CCDC91: variants seen among roughly 807,000 people sequenced by gnomAD.
The protein encoded by CCDC91 is coiled-coil domain containing 91.
In CCDC91, 48 loss-of-function variants were observed where a neutral mutation model predicts 63.2. The ratio of observed to expected loss-of-function variants is 0.76; its 90% confidence interval spans 0.60 to 0.97. The LOEUF is 0.97. Among genes scored for constraint, CCDC91 ranks in the 50% least tolerant of loss-of-function variants. The probability of loss-of-function intolerance (pLI) is 0.00; values close to 1 mark genes in which losing one functional copy is unlikely to be tolerated. For missense variants in CCDC91, 500 were observed against 494.6 expected, an observed-to-expected ratio of 1.01 and a Z score of -0.10; for synonymous variants, 167 against 165.8, an observed-to-expected ratio of 1.01 and a Z score of -0.06.
intron 1 of CCDC91, among the ~76,000 whole-genome samples, chr12:28,228,706 A>G (rs1592046917): frequency 1.3e-5 from 2 of 152,128 alleles, no homozygotes; most frequent in African/African-American, 4.8e-5. Flanking sequence ...ATTTTCAAGT[A>G]TTTGGGTACC....
At chr12:28,301,173 C>T (rs1938031890) in intron 3 of CCDC91, among the ~76,000 whole-genome samples, 2 of 151,478 alleles carry the variant, frequency 1.3e-5, no homozygotes, top group Admixed American at 6.6e-5. Context: ...CACCTTTAAT[C>T]TTTTCCCATT....
intron 1 of CCDC91, among the ~76,000 whole-genome samples, chr12:28,238,780 G>A (rs1592073937): frequency 6.6e-6 from 1 of 152,096 alleles, no homozygotes; most frequent in African/African-American, 2.4e-5. Flanking sequence ...AACTTGGTGG[G>A]ATTTGCATGG....
chr12:28,509,501 G>A (rs1445065381), intron 12 of CCDC91, among the ~76,000 whole-genome samples: 1 of 151,824 alleles, frequency 6.6e-6, no homozygotes, highest in Non-Finnish European at 1.5e-5. Context: ...CTAGGTAGGA[G>A]TATAATACAC....
At chr12:28,425,446 T>C (rs1377846347) in intron 8 of CCDC91, among the ~76,000 whole-genome samples, 1 of 152,150 alleles carries the variant, frequency 6.6e-6, no homozygotes, top group African/African-American at 2.4e-5. Flanking sequence ...CCAGAGCCTT[T>C]ATTTGGGACT....
chr12:28,242,008 A>AAAAAAAAACGAAAC, intron 1 of CCDC91, among the ~76,000 whole-genome samples: 1 of 151,696 alleles, frequency 6.6e-6, no homozygotes, highest in East Asian at 1.9e-4. Context: ...AAAAAAAAAA[A>AAAAAAAAACGAAAC]AAAAAAAACG....
At chr12:28,428,402 C>G in intron 8 of CCDC91, among the ~76,000 whole-genome samples, 1 of 151,670 alleles carries the variant, frequency 6.6e-6, no homozygotes, top group East Asian at 1.9e-4. Context: ...GAAACACCGT[C>G]TCTACTAAAA....
chr12:28,545,269 C>CA, intron 12 of CCDC91, among the ~76,000 whole-genome samples: 1 of 151,780 alleles, frequency 6.6e-6, no homozygotes, highest in East Asian at 1.9e-4. Flanking sequence ...CCTTAAGGAG[C>CA]AAAAAAGGTG....
chr12:28,345,627 C>CT (rs1050517523), intron 6 of CCDC91, among the ~76,000 whole-genome samples: 3 of 151,930 alleles, frequency 2.0e-5, no homozygotes, highest in South Asian at 2.1e-4. Flanking sequence ...ATTTCTAAAG[C>CT]TTTTTTTAAT....
intron 3 of CCDC91, among the ~76,000 whole-genome samples, chr12:28,277,798 T>G (rs550423502): frequency 6.6e-6 from 1 of 152,154 alleles, no homozygotes; most frequent in South Asian, 2.1e-4. Flanking sequence ...ATAATTTTTA[T>G]GTAGTCATCT....
At chr12:28,355,308 G>A (rs1943450962) in intron 6 of CCDC91, among the ~76,000 whole-genome samples, 1 of 152,180 alleles carries the variant, frequency 6.6e-6, no homozygotes, top group Non-Finnish European at 1.5e-5. Flanking sequence ...AGTGGGAACA[G>A]AGCCAATCCA....
chr12:28,528,892 G>C (rs1313052609), intron 12 of CCDC91, among the ~76,000 whole-genome samples: 1 of 152,108 alleles, frequency 6.6e-6, no homozygotes, highest in Non-Finnish European at 1.5e-5. Flanking sequence ...CTATGTTACT[G>C]TGGAATACTA....
At chr12:28,273,174 CT>C (rs917758516) in intron 3 of CCDC91, among the ~76,000 whole-genome samples, 2 of 151,954 alleles carry the variant, frequency 1.3e-5, no homozygotes, top group Non-Finnish European at 2.9e-5. Flanking sequence ...TGAACTCATC[CT>C]TTTTTATGGC....
chr12:28,542,629 A>T (rs538540193), intron 12 of CCDC91, among the ~76,000 whole-genome samples: 1 of 152,080 alleles, frequency 6.6e-6, no homozygotes, highest in Non-Finnish European at 1.5e-5. Context: ...TGGCCAGATT[A>T]TGTTGAATAT....
At chr12:28,440,118 A>G (rs981517338) in intron 8 of CCDC91, among the ~76,000 whole-genome samples, 1 of 152,206 alleles carries the variant, frequency 6.6e-6, no homozygotes, top group African/African-American at 2.4e-5. Context: ...GCCTTTTTAA[A>G]TTCTGGAAAG....
chr12:28,343,859 C>CTA (rs777708356), intron 6 of CCDC91, among the ~76,000 whole-genome samples: 64 of 152,198 alleles, frequency 4.2e-4, no homozygotes, highest in Middle Eastern at 3.4e-3. Context: ...TTGACAGACA[C>CTA]TATGCATTAT....
intron 11 of CCDC91, among the ~76,000 whole-genome samples, chr12:28,479,012 G>T (rs749820606): frequency 1.3e-5 from 2 of 152,146 alleles, no homozygotes; most frequent in African/African-American, 4.8e-5. Flanking sequence ...TACACTGTTG[G>T]TGGGACTGTA....
At chr12:28,398,817 A>G (rs1946445424) in intron 8 of CCDC91, among the ~76,000 whole-genome samples, 1 of 152,186 alleles carries the variant, frequency 6.6e-6, no homozygotes, top group East Asian at 1.9e-4. Context: ...TGTATATTCA[A>G]ATCTTTTTGC....
At chr12:28,451,492 G>A (rs1037897486) in intron 10 of CCDC91, among the ~76,000 whole-genome samples, 6 of 151,604 alleles carry the variant, frequency 4.0e-5, no homozygotes, top group African/African-American at 1.4e-4. Flanking sequence ...GTGATTTAAA[G>A]CAAAAAGTCA....
At chr12:28,549,026 T>G in intron 12 of CCDC91, 37 bp from the exon 13 acceptor site, 1 of 1,387,704 alleles carries the variant, frequency 7.2e-7, no homozygotes, top group Non-Finnish European at 1.0e-6. Context: ...CAGTATTTTT[T>G]TTTCTCTTTC....
Sources: allele counts gnomAD v4.1 joint callset (sites outside exome capture counted in the v4.1 genomes callset), GRCh38; gene constraint gnomAD v4.1.1; transcripts MANE v1.5; gene names NCBI Gene and HGNC (gene_info 2026-07-23, HGNC 2026-07-21).